The following PUS10 variants were observed in gnomAD, a reference collection of about 807,000 sequenced individuals.
PUS10 encodes pseudouridine synthase 10, also known as tRNA pseudouridine synthase Pus10.
In PUS10, 59 loss-of-function variants were observed where a neutral mutation model predicts 75.0. The observed-to-expected ratio is 0.79, with a 90% CI of 0.64 to 0.98. The LOEUF (loss-of-function observed/expected upper bound fraction) is 0.98, where lower values mean the gene tolerates loss of function less well. Among genes scored for constraint, PUS10 ranks in the 50% least tolerant of loss-of-function variants. PUS10 has a pLI of 0.00. For synonymous variants in PUS10, 219 were observed against 211.6 expected (o/e 1.03, Z -0.30); for missense variants, 650 against 614.4 (o/e 1.06, Z -0.61).
At chr2:60,970,090 A>C (rs578239939) in intron 5 of PUS10, among the ~76,000 whole-genome samples, 4 of 152,174 alleles carry the variant, frequency 2.6e-5, no homozygotes, top group Non-Finnish European at 5.9e-5. Context: ...GTTTAAAAAA[A>C]AAAACAAAAC....
chr2:60,972,474 A>G (rs1308768386), intron 4 of PUS10, among the ~76,000 whole-genome samples: 1 of 151,150 alleles, frequency 6.6e-6, no homozygotes, highest in Non-Finnish European at 1.5e-5. Context: ...CGTTTCAAGA[A>G]AAAAAAAAGA....
chr2:60,945,151 C>A, intron 16 of PUS10, 43 bp from the exon 17 acceptor site: 1 of 1,243,336 alleles, frequency 8.0e-7, no homozygotes, highest in South Asian at 1.2e-5. Flanking sequence ...CATGCTGTAC[C>A]AACTATTTGG....
At chr2:60,989,047 A>G (rs868816938) in intron 4 of PUS10, among the ~76,000 whole-genome samples, 1 of 152,170 alleles carries the variant, frequency 6.6e-6, no homozygotes. Flanking sequence ...AATAGCAACA[A>G]TTTGAAAGCT....
At chr2:60,965,662 T>C in intron 6 of PUS10, 178 bp from the exon 7 acceptor site, 1 of 479,048 alleles carries the variant, frequency 2.1e-6, no homozygotes. Flanking sequence ...GGAAATAGTT[T>C]TGTTTTTTTT....
chr2:60,959,118 CT>C (rs1675854668), intron 11 of PUS10, among the ~76,000 whole-genome samples: 1 of 152,188 alleles, frequency 6.6e-6, no homozygotes, highest in South Asian at 2.1e-4. Flanking sequence ...AACATTACAG[CT>C]GCCATTCAGT....
intron 15 of PUS10, 73 bp from the exon 16 acceptor site, chr2:60,948,258 C>T: frequency 6.9e-7 from 1 of 1,457,534 alleles, no homozygotes; most frequent in Non-Finnish European, 9.6e-7. Flanking sequence ...TAGCCCTTCC[C>T]TCACCATCCA....
chr2:60,941,328 A>G lies in PUS10; in HGVS notation c.*1067T>C, dbSNP rs181760620. 43 of 152,390 alleles carry G rather than the reference A, an allele frequency of 2.8e-4. No individual in the cohort carries two copies. The highest frequency in any genetic ancestry group is 1.0e-3 in the African/African-American group (42 of 41,568). The allele number at this position is 152,390 out of a possible 1,614,324, so 9.4% of individuals were successfully genotyped here. A position where few individuals can be genotyped will look rare whatever the true frequency, so the allele number is the denominator to read the frequency against. On this transcript the variant is annotated 3_prime_UTR_variant, in exon 18 of 18. Transcript: ENST00000316752. ...GGTAACTACATTCCAAAAGTTAATT[A>G]TCAGTTACATGAGTTTAAATGGCAT... is the stretch of plus-strand genomic sequence containing the variant.
Position 60,961,511 on chromosome 2 carries a change from A to C in PUS10, c.826T>G (p.Cys276Gly). 1 of 1,614,216 alleles carries C rather than the reference A, an allele frequency of 6.2e-7. No homozygotes were observed. Among genetic ancestry groups the C allele is most frequent in the Non-Finnish European group, 8.5e-7 (1 of 1,180,016 alleles). ...GCACATTCAATTTCAAGAACAGCGC[A>C]TACAGCCTTTGGTGAGTTTGGAGGA... ...PCPPNSPKAV[C>G]AVLEIECAHG... Residue 276 changes from cysteine (C) to glycine (G), a missense_variant, in exon 10 of 18, where the codon TGC becomes GGC. Cys to Gly is a radical substitution (Grantham distance 159). Transcript: ENST00000316752.
chr2:60,966,592 A>C (rs895516775), intron 6 of PUS10: 5 of 152,282 alleles, frequency 3.3e-5, no homozygotes, highest in African/African-American at 4.8e-5. Flanking sequence ...TTCAAAACTG[A>C]AATTTGAGGT....
At chr2:60,948,984 G>A (rs1212817778) in intron 15 of PUS10, among the ~76,000 whole-genome samples, 2 of 152,080 alleles carry the variant, frequency 1.3e-5, no homozygotes, top group Admixed American at 6.5e-5. Flanking sequence ...TGGTTCTTGA[G>A]TGCCGGAAGG....
chr2:60,996,416 C>G (rs1035997853), intron 4 of PUS10, among the ~76,000 whole-genome samples: 1 of 152,150 alleles, frequency 6.6e-6, no homozygotes, highest in Non-Finnish European at 1.5e-5. Flanking sequence ...GTCTTATGTT[C>G]TCCTTAACAC....
chr2:60,946,181 C>A (rs1432600468), intron 16 of PUS10, among the ~76,000 whole-genome samples: 1 of 152,106 alleles, frequency 6.6e-6, no homozygotes, highest in Admixed American at 6.5e-5. Flanking sequence ...GGAGAGAAAA[C>A]CAAATAGCCC....
chr2:61,010,793 G>A (rs1679547515), intron 2 of PUS10: 1 of 1,550,278 alleles, frequency 6.5e-7, no homozygotes, highest in Middle Eastern at 1.7e-4. Context: ...CCTAGGTTTT[G>A]AATTCAGTCA....
chr2:60,961,848 G>A (rs936756774), intron 9 of PUS10, among the ~76,000 whole-genome samples: 5 of 152,166 alleles, frequency 3.3e-5, no homozygotes, highest in Non-Finnish European at 1.5e-5. Flanking sequence ...AGATTTGAGG[G>A]AAAAATCCAT....
intron 4 of PUS10, among the ~76,000 whole-genome samples, chr2:60,972,062 T>A (rs1676709946): frequency 6.7e-6 from 1 of 149,142 alleles, no homozygotes; most frequent in African/African-American, 2.4e-5. Context: ...AGAGACGGGT[T>A]TTCACCATGT....
In PUS10 at chr2:60,967,466, CAG is replaced by C. The variant is rs780844625; in HGVS notation, c.615+34_615+35del. On this transcript the variant is annotated intron_variant, in intron 6 of 17. Coordinates refer to ENST00000316752, the MANE Select transcript of PUS10 (RefSeq NM_144709.4). ...TATAATTAAGTAAAACTAGTAAAAT[CAG>C]AGAATAAAATTAACAATGCTGTTGA... The C allele has an allele frequency of 2.9e-6, 4 of 1,371,716 alleles. No homozygotes were observed. The South Asian group carries it at 5.0e-5, about 17-fold the overall frequency. 85.0% of individuals were successfully genotyped at this position (1,371,716 alleles called of 1,614,324 possible). A position where few individuals can be genotyped will look rare whatever the true frequency, so the allele number is the denominator to read the frequency against.
At chr2:60,985,690 G>A (rs1269383129) in intron 4 of PUS10, among the ~76,000 whole-genome samples, 6 of 151,924 alleles carry the variant, frequency 3.9e-5, no homozygotes, top group Admixed American at 1.3e-4. Context: ...TAGTAGAGAT[G>A]GGGTTTCGCC....
chr2:60,992,164 C>A (rs948367651), intron 4 of PUS10, among the ~76,000 whole-genome samples: 4 of 152,110 alleles, frequency 2.6e-5, no homozygotes, highest in African/African-American at 9.7e-5. Context: ...GTGCCTGCCA[C>A]CACACCCAGC....
At chr2:60,996,668 C>T (rs1017754878) in intron 4 of PUS10, among the ~76,000 whole-genome samples, 2 of 151,818 alleles carry the variant, frequency 1.3e-5, no homozygotes, top group Non-Finnish European at 2.9e-5. Flanking sequence ...ATAAACGGGA[C>T]GCATGGGCAA....
Sources: allele counts gnomAD v4.1 joint callset (sites outside exome capture counted in the v4.1 genomes callset), GRCh38; gene constraint gnomAD v4.1.1; transcripts MANE v1.5; gene names NCBI Gene and HGNC (gene_info 2026-07-23, HGNC 2026-07-21).